The following SYNE1 variants were observed in gnomAD, a reference collection of about 807,000 sequenced individuals.
SYNE1 encodes the protein nesprin-1.
Under a neutral mutation model 1,111.0 loss-of-function variants are expected in SYNE1, and 616 were observed. The observed-to-expected ratio is 0.55, with a 90% CI of 0.52 to 0.59. SYNE1 has a LOEUF of 0.59. SYNE1 is among the 20% of genes least tolerant of loss of function. The probability of loss-of-function intolerance (pLI) is 0.00; values close to 1 mark genes in which losing one functional copy is unlikely to be tolerated. For missense variants in SYNE1, 10,006 were observed against 10,417.0 expected (o/e 0.96, Z 1.72); for synonymous variants, 3,855 against 3,825.8 (o/e 1.01, Z -0.28).
intron 141 of SYNE1, 27 bp from the exon 142 acceptor site, chr6:152,135,259 T>C: frequency 6.2e-7 from 1 of 1,608,340 alleles, no homozygotes; most frequent in Non-Finnish European, 8.5e-7. Context: ...AAAGTAACTG[T>C]AAATAAAATA....
intron 98 of SYNE1, among the ~76,000 whole-genome samples, chr6:152,276,687 T>A (rs989468190): frequency 6.6e-6 from 1 of 152,058 alleles, no homozygotes; most frequent in African/African-American, 2.4e-5. Context: ...GAGAACAGAT[T>A]GGCCTGGTCT....
At chr6:152,597,418 C>G (rs891496414) in intron 3 of SYNE1, among the ~76,000 whole-genome samples, 10 of 152,120 alleles carry the variant, frequency 6.6e-5, no homozygotes, top group Non-Finnish European at 1.5e-4. Context: ...GTAGCTGGGA[C>G]TACAGATGTG....
chr6:152,341,890 G>A (rs2096541460), intron 74 of SYNE1, among the ~76,000 whole-genome samples: 1 of 152,148 alleles, frequency 6.6e-6, no homozygotes, highest in Admixed American at 6.5e-5. Context: ...TTTGCTTACA[G>A]TTTCAGTTTC....
Position 152,465,479 on chromosome 6 carries a change from A to G in SYNE1, c.1730-19T>C, listed in dbSNP as rs772751040. ...TCTTCCACTGAAACAGATAAAACCA[A>G]TTATAACCCTTATCTCATATTTTAA... On this transcript the variant is annotated intron_variant, in intron 17 of 145. Coordinates refer to ENST00000367255, the MANE Select transcript of SYNE1 (RefSeq NM_182961.4). 4 of 1,606,380 alleles carry G rather than the reference A, an allele frequency of 2.5e-6. No homozygotes were observed. The highest frequency in any genetic ancestry group is 2.6e-6 in the Non-Finnish European group (3 of 1,175,578).
Position 152,376,924 on chromosome 6 carries a change from T to C in SYNE1, c.9010-12A>G. The C allele has an allele frequency of 6.2e-7, 1 of 1,613,476 alleles. No homozygotes were observed. Among genetic ancestry groups the C allele is most frequent in the East Asian group, 2.2e-5 (1 of 44,850 alleles). The stretch of plus-strand genomic sequence containing the variant: ...GCATCCAGTATCTCCTGTTCAGAAA[T>C]AATGAGACAAAGAAGCGAGCACTTA... On this transcript the variant is annotated splice_polypyrimidine_tract_variant and intron_variant, in intron 56 of 145. Coordinates refer to ENST00000367255, the MANE Select transcript of SYNE1 (RefSeq NM_182961.4).
chr6:152,196,703 G>A (rs1436105032), intron 127 of SYNE1, among the ~76,000 whole-genome samples: 2 of 151,844 alleles, frequency 1.3e-5, no homozygotes, highest in African/African-American at 4.8e-5. Flanking sequence ...GCAGAAGGAA[G>A]GGGTGTCTTT....
At chr6:152,527,904 C>T (rs951476237) in intron 4 of SYNE1, among the ~76,000 whole-genome samples, 1 of 152,264 alleles carries the variant, frequency 6.6e-6, no homozygotes, top group African/African-American at 2.4e-5. Flanking sequence ...TCTTCTTTCC[C>T]TCCTCTGTTG....
rs974919647 is a variant in SYNE1 at position 152,139,850 on chromosome 6, C to T, written c.25458+100G>A. 9 of 1,280,242 alleles carry T rather than the reference C, an allele frequency of 7.0e-6. No homozygotes were observed. The Admixed American group carries it at 7.3e-5, about 10-fold the overall frequency. 79.3% of individuals were successfully genotyped at this position (1,280,242 alleles called of 1,614,324 possible). On this transcript the variant is annotated intron_variant, in intron 140 of 145. Transcript: ENST00000367255. ...TCATTTTTGTTAGATCCCTTTTCTG[C>T]TGCTGTGTAAGAGCAGCTCGAACTA... is the stretch of plus-strand genomic sequence containing the variant.
rs1212733017 is a variant in SYNE1 at position 152,323,549 on chromosome 6, T to C, written c.15846A>G (p.Gly5282=). ...RQQTLSMLQD[G]AAPTPGEEPP... ...GCTCTTCCCCAGGGGTTGGGGCGGC[T>C]CCATCCTGGAGCATGCTCAGGGTTT... Residue 5282 remains glycine, a synonymous_variant, in exon 82 of 146, where the codon GGA becomes GGG. Transcript: ENST00000367255. 1 of 1,614,232 alleles carries C rather than the reference T, an allele frequency of 6.2e-7. No individual in the cohort carries two copies. Among genetic ancestry groups the C allele is most frequent in the Non-Finnish European group, 8.5e-7 (1 of 1,180,036 alleles).
chr6:152,526,341 G>C (rs562211666), intron 4 of SYNE1, among the ~76,000 whole-genome samples, 166 bp from the exon 5 acceptor site: 7 of 152,096 alleles, frequency 4.6e-5, no homozygotes, highest in Non-Finnish European at 1.0e-4. Context: ...TTCGATAACT[G>C]TGAGAAGAAA....
intron 127 of SYNE1, among the ~76,000 whole-genome samples, chr6:152,193,140 C>T (rs1587441307): frequency 6.6e-6 from 1 of 151,752 alleles, no homozygotes; most frequent in Non-Finnish European, 1.5e-5. Context: ...GTCTTCTCCC[C>T]CTTCCTTCCT....
chr6:152,566,035 T>C (rs904903657), intron 3 of SYNE1, among the ~76,000 whole-genome samples: 2 of 152,188 alleles, frequency 1.3e-5, no homozygotes, highest in African/African-American at 2.4e-5. Flanking sequence ...CCTAATGTCC[T>C]TGTAAACTTA....
intron 59 of SYNE1, among the ~76,000 whole-genome samples, chr6:152,371,880 A>AAGGACAGGACAGGACAGGACAGGAC (rs2097190813): frequency 1.7e-5 from 1 of 59,584 alleles, no homozygotes; most frequent in African/African-American, 5.5e-5. Flanking sequence ...AAGGAAAGGA[A>AAGGACAGGACAGGACAGGACAGGAC]AGGAAAGGAA....
At chr6:152,542,883 T>C (rs1333035407) in intron 3 of SYNE1, among the ~76,000 whole-genome samples, 1 of 152,120 alleles carries the variant, frequency 6.6e-6, no homozygotes, top group Non-Finnish European at 1.5e-5. Context: ...ATTCAAAATC[T>C]AAAATAGACA....
At chr6:152,384,023 C>T (rs74415572) in intron 55 of SYNE1, among the ~76,000 whole-genome samples, 6,990 of 152,288 alleles carry the variant, frequency 0.046, 277 homozygotes, top group African/African-American at 0.1. Context: ...TTTACCAAAT[C>T]CACTGGATTT....
chr6:152,552,473 A>ATATT (rs2099350640), intron 3 of SYNE1, among the ~76,000 whole-genome samples: 1 of 130,380 alleles, frequency 7.7e-6, no homozygotes, highest in African/African-American at 2.6e-5. Flanking sequence ...ATATATTTAT[A>ATATT]TATTATTTTG....
chr6:152,441,058 T>G (rs1187533037), intron 32 of SYNE1, 72 bp downstream of exon 32: 2 of 1,554,968 alleles, frequency 1.3e-6, no homozygotes, highest in Non-Finnish European at 1.8e-6. Flanking sequence ...ATAGTAATAA[T>G]GGAGGAGAAA....
rs2076871340 is a variant in SYNE1, at chr6:152,208,208, T to C, written c.22590-2A>G. Reference sequence around the variant, plus strand: ...GTCAATTTCAGGTTGAATTCATCCCTAGTGAAGAAATAATTACATGGTAAA... The same window carrying C: ...GTCAATTTCAGGTTGAATTCATCCCCAGTGAAGAAATAATTACATGGTAAA... On this transcript the variant is annotated splice_acceptor_variant, in intron 124 of 145. Coordinates refer to ENST00000367255, the MANE Select transcript of SYNE1 (RefSeq NM_182961.4). LOFTEE classifies it high-confidence loss of function. 1 of 1,612,988 alleles carries C rather than the reference T, an allele frequency of 6.2e-7. No homozygotes were observed. The highest frequency in any genetic ancestry group is 8.5e-7 in the Non-Finnish European group (1 of 1,179,246).
intron 122 of SYNE1, among the ~76,000 whole-genome samples, chr6:152,214,129 A>T (rs1282871091): frequency 6.7e-6 from 1 of 150,226 alleles, no homozygotes; most frequent in Non-Finnish European, 1.5e-5. Flanking sequence ...TGAACCCAAC[A>T]TTGCAGTGAG....
Sources: gnomAD v4.1 joint callset for allele counts (sites outside exome capture counted in the v4.1 genomes callset) on GRCh38, gnomAD v4.1.1 for gene constraint, MANE v1.5 for transcripts, NCBI Gene and HGNC (gene_info 2026-07-23, HGNC 2026-07-21) for gene names.